Variants in COPE observed in about 807,000 individuals in gnomAD.
The protein encoded by COPE is coat protein complex I subunit epsilon.
Under a neutral mutation model 42.1 loss-of-function variants are expected in COPE, and 19 were observed. The ratio of observed to expected loss-of-function variants is 0.45; its 90% CI spans 0.31 to 0.66. The LOEUF (loss-of-function observed/expected upper bound fraction) is 0.66. Among genes scored for constraint, COPE ranks in the 30% least tolerant of loss-of-function variants. The pLI is 0.05. For missense variants in COPE, 402 were observed against 416.1 expected, an observed-to-expected ratio of 0.97 and a Z score of 0.30; for synonymous variants, 195 against 181.3, an observed-to-expected ratio of 1.08 and a Z score of -0.60.
intron 3 of COPE, 53 bp downstream of exon 3, chr19:18,910,918 A>C (rs952549968): frequency 2.5e-5 from 37 of 1,504,008 alleles, no homozygotes; most frequent in South Asian, 3.4e-5. Flanking sequence ...CATAACCAAC[A>C]GGCCTTGAAG....
intron 6 of COPE, 36 bp downstream of exon 6, chr19:18,904,735 C>T (rs1160012964): frequency 6.5e-6 from 10 of 1,537,740 alleles, no homozygotes; most frequent in African/African-American, 1.4e-5. Flanking sequence ...AGCCAGGTGC[C>T]CGCAATGCCC....
chr19:18,904,040 A>G (rs1040143058), intron 6 of COPE, among the ~76,000 whole-genome samples: 19 of 152,230 alleles, frequency 1.2e-4, no homozygotes, highest in African/African-American at 4.6e-4. Flanking sequence ...ATCTTGGCTC[A>G]CCGCAACCTC....
chr19:18,902,748 A>AAGG (rs1555709109), intron 7 of COPE, among the ~76,000 whole-genome samples: 1 of 51,964 alleles, frequency 1.9e-5, no homozygotes, highest in African/African-American at 1.7e-4. Context: ...GAAAGGAAGG[A>AAGG]AAGGAAGGAA....
chr19:18,902,788 G>A (rs868145835), intron 7 of COPE, among the ~76,000 whole-genome samples: 3 of 67,914 alleles, frequency 4.4e-5, no homozygotes, highest in African/African-American at 4.2e-4. Context: ...AAGGAAGGAA[G>A]GAAGGAAGGA....
intron 3 of COPE, among the ~76,000 whole-genome samples, chr19:18,909,946 T>C (rs2056794879): frequency 6.6e-6 from 1 of 152,182 alleles, no homozygotes; most frequent in African/African-American, 2.4e-5. Context: ...TTCACAAGCA[T>C]GTGGGATAGG....
At chr19:18,901,339 G>C (rs550357605) in intron 7 of COPE, among the ~76,000 whole-genome samples, 193 of 152,384 alleles carry the variant, frequency 1.3e-3, no homozygotes, top group Non-Finnish European at 1.9e-3. Context: ...GCATCCAAGT[G>C]TTCTCAGGTG....
intron 2 of COPE, among the ~76,000 whole-genome samples, chr19:18,912,224 G>A (rs1227489423): frequency 6.6e-6 from 1 of 152,068 alleles, no homozygotes; most frequent in African/African-American, 2.4e-5. Flanking sequence ...ACGGCTCACT[G>A]TAATCTTGAC....
chr19:18,907,801 C>T (rs1298673526), intron 3 of COPE, among the ~76,000 whole-genome samples: 1 of 152,234 alleles, frequency 6.6e-6, no homozygotes, highest in African/African-American at 2.4e-5. Flanking sequence ...CTTCTGGGTT[C>T]AAACGTGGCT....
Position 18,899,684 on chromosome 19 carries a change from C to A in COPE, c.922G>T (p.Ala308Ser). ...DRLVLQYAPS[A>S] is the part of the protein sequence containing the mutation. ...CTGACAGCTCTGGGCCAGCCTCAGG[C>A]GCTGGGAGCGTACTGTAGCACCAGC... Residue 308 changes from alanine (A) to serine (S), a missense_variant, in exon 10 of 10, where the codon GCC becomes TCC. Ala to Ser is a moderately conservative substitution (Grantham distance 99, BLOSUM62 1). Coordinates refer to ENST00000262812, the MANE Select transcript of COPE (RefSeq NM_007263.4). 2 of 1,613,478 alleles carry A rather than the reference C, an allele frequency of 1.2e-6. No homozygotes were observed. Among genetic ancestry groups the A allele is most frequent in the South Asian group, 1.1e-5 (1 of 91,086 alleles).
rs146007560 is a variant in COPE, at chr19:18,904,822, G to A, written c.528C>T (p.Asp176=). 6.6e-5 allele frequency: 102 copies of A among 1,555,784 alleles called. No individual in the cohort carries two copies. In the African/African-American group the frequency reaches 1.1e-3, roughly 17 times the overall value. The change falls in exon 6 of 10, where the codon GAC becomes GAT. Residue 176 remains aspartate, a synonymous_variant. Coordinates refer to ENST00000262812, the MANE Select transcript of COPE (RefSeq NM_007263.4). ...CGAGCTGGGTGAGGGTGGCATCCTCGTCCAGGTCCTGCATTCTCTTCAGCT... is the reference window on the plus strand; with the variant it reads ...CGAGCTGGGTGAGGGTGGCATCCTCATCCAGGTCCTGCATTCTCTTCAGCT... The part of the protein sequence containing the change: ...RKELKRMQDL[D]EDATLTQLAT...
chr19:18,919,274 GGCGTTCTT>G lies in COPE; in HGVS notation c.67_74del (p.Lys23LeufsTer33). ...ACTGCTGGTAGCTGCCGATGTAGAA[GGCGTTCTT>G]TACGTCGAACAGCTCGTCTACCTCC... On this transcript the variant is annotated frameshift_variant, in exon 1 of 10. Transcript: ENST00000262812. LOFTEE classifies it high-confidence loss of function. 6.2e-7 allele frequency: 1 copy of G among 1,613,996 alleles called. No individual in the cohort carries two copies. Among genetic ancestry groups the G allele is most frequent in the Non-Finnish European group, 8.5e-7 (1 of 1,180,024 alleles).
At chr19:18,907,968 G>C (rs1020525767) in intron 3 of COPE, among the ~76,000 whole-genome samples, 1 of 152,230 alleles carries the variant, frequency 6.6e-6, no homozygotes, top group Non-Finnish European at 1.5e-5. Context: ...TCAGGTCTGA[G>C]TCTGTTTCCC....
intron 7 of COPE, among the ~76,000 whole-genome samples, chr19:18,902,575 G>C (rs1472998700): frequency 6.9e-6 from 1 of 144,878 alleles, no homozygotes; most frequent in Non-Finnish European, 1.5e-5. Flanking sequence ...TGAGGCAAAA[G>C]AATCACTTGA....
In COPE at chr19:18,899,692, G is replaced by A. The variant is rs1210504300; in HGVS notation, c.914C>T (p.Ala305Val). 1.2e-6 allele frequency: 2 copies of A among 1,613,600 alleles called. No individual in the cohort carries two copies. The highest frequency in any genetic ancestry group is 1.1e-5 in the South Asian group (1 of 91,086). ...TCTGGGCCAGCCTCAGGCGCTGGGAGCGTACTGTAGCACCAGCCTGTCAAA... is the reference window on the plus strand; with the variant it reads ...TCTGGGCCAGCCTCAGGCGCTGGGAACGTACTGTAGCACCAGCCTGTCAAA... The part of the protein sequence containing the change: ...NDFDRLVLQY[A>V]PSA The change falls in exon 10 of 10, where the codon GCT becomes GTT. Residue 305 changes from alanine (A) to valine (V), a missense_variant. By Grantham distance (64) the Ala-to-Val change is moderately conservative. Coordinates refer to ENST00000262812, the MANE Select transcript of COPE (RefSeq NM_007263.4).
chr19:18,900,274 C>T, intron 8 of COPE, 107 bp downstream of exon 8: 3 of 916,614 alleles, frequency 3.3e-6, no homozygotes, highest in Non-Finnish European at 4.9e-6. Context: ...GGTAGGCATA[C>T]TGTATACAGA....
chr19:18,916,820 G>T (rs1052302522), intron 1 of COPE, among the ~76,000 whole-genome samples: 2 of 151,470 alleles, frequency 1.3e-5, no homozygotes, highest in Non-Finnish European at 2.9e-5. Flanking sequence ...AATTAGCTGG[G>T]TGTGGTGGTG....
At chr19:18,900,542 TCACCTCCTCAGAG>T in intron 7 of COPE, 93 bp from the exon 8 acceptor site, 1 of 963,814 alleles carries the variant, frequency 1.0e-6, no homozygotes, top group African/African-American at 1.6e-5. Context: ...CCACACAAGG[TCACCTCCTCAGAG>T]GTGGGGTGGG....
At chr19:18,904,216 C>G (rs559611962) in intron 6 of COPE, among the ~76,000 whole-genome samples, 1 of 152,232 alleles carries the variant, frequency 6.6e-6, no homozygotes, top group African/African-American at 2.4e-5. Flanking sequence ...CCACCCGCCT[C>G]GGCCTCCCGA....
chr19:18,905,736 T>G, intron 4 of COPE, 107 bp from the exon 5 acceptor site: 2 of 1,146,838 alleles, frequency 1.7e-6, no homozygotes, highest in Non-Finnish European at 2.5e-6. Context: ...CTAAGTCCTG[T>G]GCTTAGGACC....
Sources: gnomAD v4.1 joint callset for allele counts (sites outside exome capture counted in the v4.1 genomes callset) on GRCh38, gnomAD v4.1.1 for gene constraint, MANE v1.5 for transcripts, NCBI Gene and HGNC (gene_info 2026-07-23, HGNC 2026-07-21) for gene names.